The following CDH23 variants were observed in gnomAD, a reference collection of about 807,000 sequenced individuals.
CDH23 encodes the protein cadherin-23.
CDH23 carries 189 observed loss-of-function variants against 317.1 expected under a neutral mutation model. That is an observed-to-expected ratio of 0.60 (90% CI 0.53 to 0.67). The LOEUF (loss-of-function observed/expected upper bound fraction) is 0.67, where lower values mean the gene tolerates loss of function less well. CDH23 is among the 30% of genes least tolerant of loss of function. The probability of loss-of-function intolerance (pLI) is 0.00; values close to 1 mark genes in which losing one functional copy is unlikely to be tolerated. For missense variants in CDH23, 4,401 were observed against 4,592.4 expected (o/e 0.96, Z 1.20); for synonymous variants, 1,839 against 1,876.8 (o/e 0.98, Z 0.52).
At chr10:71,695,645 C>A in intron 22 of CDH23, 120 bp downstream of exon 22, 1 of 686,550 alleles carries the variant, frequency 1.5e-6, no homozygotes. Flanking sequence ...TCCCTCTGAG[C>A]TGGCTCTTGC....
At chr10:71,615,467 G>A in intron 9 of CDH23, 37 bp from the exon 10 acceptor site, 1 of 1,515,618 alleles carries the variant, frequency 6.6e-7, no homozygotes, top group Middle Eastern at 1.7e-4. Flanking sequence ...CCCCTGCCCT[G>A]TGCCTGGTCA....
chr10:71,589,057 C>T (rs78385937), intron 9 of CDH23, among the ~76,000 whole-genome samples: 14,061 of 152,274 alleles, frequency 0.092, 683 homozygotes, highest in Middle Eastern at 0.13. Flanking sequence ...TCTACAGGGC[C>T]AGGAAAGGCC....
chr10:71,400,844 G>A (rs1847746816), intron 1 of CDH23, among the ~76,000 whole-genome samples: 1 of 152,140 alleles, frequency 6.6e-6, no homozygotes, highest in East Asian at 1.9e-4. Flanking sequence ...AAAATAACTA[G>A]GTTAATAAGT....
Position 71,746,078 on chromosome 10 carries a change from A to C in CDH23, c.4845+4157A>C, listed in dbSNP as rs1589392330. ...TGAGGCCTGTAGTACAGGCTAGGAC[A>C]CCAGAGATACATCAGGCACAGGTCT... is the stretch of plus-strand genomic sequence containing the variant. On this transcript the variant is annotated intron_variant, in intron 38 of 69. Transcript: ENST00000224721. Among the ~76,000 whole-genome samples the C allele has an allele frequency of 4.6e-5, 7 of 152,338 alleles. No individual in the cohort carries two copies. In the South Asian group the frequency reaches 1.5e-3, roughly 32 times the overall value.
intron 14 of CDH23, chr10:71,647,162 A>G (rs1025207982): frequency 3.3e-6 from 3 of 898,716 alleles, no homozygotes; most frequent in Admixed American, 6.2e-5. Flanking sequence ...CATGTAACTC[A>G]AAAGTATAAG....
chr10:71,650,645 C>T (rs1043860455), intron 14 of CDH23, among the ~76,000 whole-genome samples: 1 of 152,332 alleles, frequency 6.6e-6, no homozygotes, highest in East Asian at 1.9e-4. Flanking sequence ...CATGTGCACA[C>T]GTGTGTGTAC....
chr10:71,600,025 AGAGTTTCACTCTT>A lies in CDH23; in HGVS notation c.833-15477_833-15465del. ...TTTTTTTTTTTTTTTTTGGTGAGAC[AGAGTTTCACTCTT>A]GTTGCCCAGGCTGGAGTGCAATGAT... On this transcript the variant is annotated intron_variant, in intron 9 of 69. Coordinates refer to ENST00000224721, the MANE Select transcript of CDH23 (RefSeq NM_022124.6). 2.3e-5 allele frequency among the ~76,000 whole-genome samples: 3 copies of A among 129,624 alleles called. No individual in the cohort carries two copies. The South Asian group carries it at 7.2e-4, about 31-fold the overall frequency. The allele number at this position is 129,624 out of a possible 152,430, so 85.0% of individuals were successfully genotyped here.
At chr10:71,712,024 G>T (rs1865989784) in intron 27 of CDH23, 1 of 152,198 alleles carries the variant, frequency 6.6e-6, no homozygotes, top group Non-Finnish European at 1.5e-5. Context: ...TAAGGTGTCG[G>T]CAGGGTCACG....
intron 9 of CDH23, among the ~76,000 whole-genome samples, chr10:71,611,127 G>A (rs1207527892): frequency 2.6e-5 from 4 of 152,078 alleles, no homozygotes; most frequent in Non-Finnish European, 5.9e-5. Context: ...AGGCCGACAC[G>A]GAGGTATCAG....
At chr10:71,628,648 T>C (rs1861863845) in intron 11 of CDH23, among the ~76,000 whole-genome samples, 2 of 152,090 alleles carry the variant, frequency 1.3e-5, no homozygotes, top group Non-Finnish European at 2.9e-5. Context: ...CAGGCACCTA[T>C]TACCACACCC....
intron 1 of CDH23, among the ~76,000 whole-genome samples, chr10:71,427,670 C>G (rs1204049621): frequency 1.3e-5 from 2 of 150,342 alleles, no homozygotes; most frequent in Non-Finnish European, 2.9e-5. Context: ...TGTGTATATT[C>G]TCAGAAGTGG....
At chr10:71,566,367 G>A (rs1047673069) in intron 6 of CDH23, among the ~76,000 whole-genome samples, 7 of 152,158 alleles carry the variant, frequency 4.6e-5, no homozygotes, top group African/African-American at 1.7e-4. Flanking sequence ...AGGGCTGCCA[G>A]GAGGGAGGCT....
intron 3 of CDH23, among the ~76,000 whole-genome samples, chr10:71,485,492 A>G (rs1852298032): frequency 6.6e-6 from 1 of 152,256 alleles, no homozygotes; most frequent in Non-Finnish European, 1.5e-5. Flanking sequence ...CATTCCAGGC[A>G]GGTGCAAGGG....
chr10:71,739,824 C>A, intron 36 of CDH23, 52 bp downstream of exon 36: 1 of 1,551,732 alleles, frequency 6.4e-7, no homozygotes, highest in East Asian at 2.3e-5. Context: ...GTGCCTAGAC[C>A]GGTCACTACT....
intron 35 of CDH23, 88 bp downstream of exon 35, chr10:71,738,735 C>G: frequency 6.8e-7 from 1 of 1,464,806 alleles, no homozygotes; most frequent in Non-Finnish European, 9.2e-7. Context: ...TGAGCCACCC[C>G]CATCACCAAG....
intron 3 of CDH23, among the ~76,000 whole-genome samples, chr10:71,474,657 A>G (rs557272885): frequency 1.8e-4 from 27 of 152,332 alleles, no homozygotes; most frequent in African/African-American, 3.4e-4. Context: ...GAGCCAGTGC[A>G]TTGCCACGAT....
At chr10:71,656,598 C>T (rs867597259) in intron 14 of CDH23, among the ~76,000 whole-genome samples, 2 of 151,928 alleles carry the variant, frequency 1.3e-5, no homozygotes, top group Non-Finnish European at 2.9e-5. Context: ...TGGGCAGGGG[C>T]GGGGAGTGCC....
At chr10:71,765,932 G>A (rs997569351) in intron 38 of CDH23, among the ~76,000 whole-genome samples, 5 of 152,126 alleles carry the variant, frequency 3.3e-5, no homozygotes, top group African/African-American at 1.2e-4. Context: ...GGGAGGGAAG[G>A]CCAGAAAACA....
intron 9 of CDH23, among the ~76,000 whole-genome samples, chr10:71,605,528 C>T (rs1860481251): frequency 1.3e-5 from 2 of 152,216 alleles, no homozygotes; most frequent in African/African-American, 2.4e-5. Flanking sequence ...AGTCTGAAAA[C>T]CTCTGTCCTA....
Sources: allele counts gnomAD v4.1 joint callset (sites outside exome capture counted in the v4.1 genomes callset), GRCh38; gene constraint gnomAD v4.1.1; transcripts MANE v1.5; gene names NCBI Gene and HGNC (gene_info 2026-07-23, HGNC 2026-07-21).